The following TLE1 variants were observed in gnomAD, a reference collection of about 807,000 sequenced individuals.
TLE1 encodes the protein transducin-like enhancer protein 1.
Under a neutral mutation model 89.8 loss-of-function variants are expected in TLE1, and 21 were observed. The observed-to-expected ratio is 0.23, with a 90% CI of 0.17 to 0.34. TLE1 has a LOEUF of 0.34. Ranked by LOEUF, TLE1 falls within the 10% of genes least tolerant of loss-of-function variation. The probability of loss-of-function intolerance (pLI) is 1.00; values close to 1 mark genes in which losing one functional copy is unlikely to be tolerated. For synonymous variants in TLE1, 447 were observed against 407.6 expected, an observed-to-expected ratio of 1.10 and a Z score of -1.16; for missense variants, 795 against 1,031.2, an observed-to-expected ratio of 0.77 and a Z score of 3.14.
intron 14 of TLE1, among the ~76,000 whole-genome samples, chr9:81,602,272 G>T (rs1476574073): frequency 6.6e-6 from 1 of 152,146 alleles, no homozygotes. Flanking sequence ...CAGGCTGGGG[G>T]GATATTACCA....
intron 4 of TLE1, among the ~76,000 whole-genome samples, chr9:81,666,187 T>C (rs1447691101): frequency 6.6e-6 from 1 of 152,122 alleles, no homozygotes; most frequent in East Asian, 1.9e-4. Context: ...TTTGGTGGGC[T>C]TAAAGGAAAA....
chr9:81,591,096 A>T lies in TLE1; in HGVS notation c.1582-44T>A, dbSNP rs964275989. On this transcript the variant is annotated intron_variant, in intron 15 of 19. Transcript: ENST00000376499. ...TCATTGCTATAATGAATTACCGAGC[A>T]ATCATAGCACCATGTTCTCTAATGG... The T allele has an allele frequency of 2.5e-6, 4 of 1,591,176 alleles. No individual in the cohort carries two copies. The African/African-American group carries it at 4.0e-5, about 16-fold the overall frequency.
intron 4 of TLE1, among the ~76,000 whole-genome samples, chr9:81,662,361 TTGTGTGTGTGTG>T (rs371936084): frequency 0.043 from 5,990 of 138,392 alleles, 169 homozygotes; most frequent in Non-Finnish European, 0.061. Flanking sequence ...TGTGCCTGTT[TTGTGTGTGTGTG>T]TGTGTGTGTG....
rs191020788 is a variant in TLE1, at chr9:81,589,440, C to G, written c.1829+1365G>C. Among the ~76,000 whole-genome samples, 3 of 152,308 alleles carry G rather than the reference C, an allele frequency of 2.0e-5. No individual in the cohort carries two copies. In the East Asian group the frequency reaches 5.8e-4, roughly 29 times the overall value. ...CTTTACATGGCCCTATTACATGCAG[C>G]AGCCACTAGCCACCTGTGAGTGGTC... On this transcript the variant is annotated intron_variant, in intron 16 of 19. Coordinates refer to ENST00000376499, the MANE Select transcript of TLE1 (RefSeq NM_005077.5).
At chr9:81,636,334 T>TA (rs1346107567) in intron 6 of TLE1, among the ~76,000 whole-genome samples, 1 of 151,348 alleles carries the variant, frequency 6.6e-6, no homozygotes, top group Non-Finnish European at 1.5e-5. Flanking sequence ...AGCACTTAAT[T>TA]AGGAACTAGA....
intron 18 of TLE1, 87 bp from the exon 19 acceptor site, chr9:81,584,611 C>T: frequency 8.1e-7 from 1 of 1,237,540 alleles, no homozygotes; most frequent in Non-Finnish European, 1.2e-6. Context: ...AAACTAAGAA[C>T]ATTTTTAATA....
At chr9:81,623,599 T>G (rs1588012869) in intron 8 of TLE1, among the ~76,000 whole-genome samples, 4 of 123,244 alleles carry the variant, frequency 3.2e-5, no homozygotes, top group Admixed American at 2.0e-4. Flanking sequence ...GCCAACATGG[T>G]GAAACCCCAT....
intron 4 of TLE1, among the ~76,000 whole-genome samples, chr9:81,657,957 T>C (rs1286497590): frequency 6.7e-6 from 1 of 149,672 alleles, no homozygotes; most frequent in Admixed American, 6.7e-5. Context: ...TCACCTAGGC[T>C]GGAGTGCAGT....
chr9:81,684,714 C>A (rs1377051887), intron 4 of TLE1, among the ~76,000 whole-genome samples: 3 of 152,110 alleles, frequency 2.0e-5, no homozygotes, highest in African/African-American at 7.2e-5. Context: ...TGAAATGTGT[C>A]CAACTGTGCA....
rs779351227 is a variant in TLE1, at chr9:81,654,047, A to G, written c.235-11T>C. 5 of 1,613,608 alleles carry G rather than the reference A, an allele frequency of 3.1e-6. No homozygotes were observed. Among genetic ancestry groups the G allele is most frequent in the South Asian group, 1.1e-5 (1 of 91,064 alleles). ...CTTGGCGATTTCAGTCTATAAAGAC[A>G]AAGCCACACAAATGTTTAGAATACT... On this transcript the variant is annotated splice_polypyrimidine_tract_variant and intron_variant, in intron 4 of 19. Coordinates refer to ENST00000376499, the MANE Select transcript of TLE1 (RefSeq NM_005077.5).
intron 10 of TLE1, 79 bp downstream of exon 10, chr9:81,616,567 C>A: frequency 2.0e-6 from 3 of 1,517,360 alleles, no homozygotes; most frequent in Non-Finnish European, 2.7e-6. Context: ...GGCTCTACTT[C>A]CTTCATTCAC....
At chr9:81,585,132 C>T (rs946764712) in intron 18 of TLE1, among the ~76,000 whole-genome samples, 4 of 152,148 alleles carry the variant, frequency 2.6e-5, no homozygotes, top group African/African-American at 9.7e-5. Context: ...TAAATATCGA[C>T]TTCTCTAACC....
chr9:81,660,580 AT>A (rs372771789), intron 4 of TLE1, among the ~76,000 whole-genome samples: 5,158 of 149,186 alleles, frequency 0.035, 109 homozygotes, highest in Non-Finnish European at 0.046. Flanking sequence ...CACCCGGCTA[AT>A]TTTTTTTTGT....
At chr9:81,653,723 C>T (rs943201080) in intron 5 of TLE1, among the ~76,000 whole-genome samples, 1 of 152,100 alleles carries the variant, frequency 6.6e-6, no homozygotes, top group African/African-American at 2.4e-5. Flanking sequence ...AAAGCAAAAG[C>T]TGTACATTGG....
At chr9:81,661,179 T>C (rs1177063598) in intron 4 of TLE1, among the ~76,000 whole-genome samples, 1 of 121,406 alleles carries the variant, frequency 8.2e-6, no homozygotes, top group Non-Finnish European at 1.7e-5. Context: ...TATTTATATA[T>C]ATGTATTTTT....
At chr9:81,600,232 A>C in intron 14 of TLE1, 1 of 615,006 alleles carries the variant, frequency 1.6e-6, no homozygotes, top group East Asian at 2.7e-5. Context: ...AGGAACTATC[A>C]CTACAGACAA....
chr9:81,584,400 G>A, intron 19 of TLE1, 48 bp downstream of exon 19: 1 of 1,612,010 alleles, frequency 6.2e-7, no homozygotes, highest in Middle Eastern at 1.7e-4. Context: ...GGCTTCAGAG[G>A]CGACACTGTG....
At chr9:81,616,851 T>A in intron 9 of TLE1, 152 bp from the exon 10 acceptor site, 1 of 783,910 alleles carries the variant, frequency 1.3e-6, no homozygotes. Context: ...CCAGTCCTAG[T>A]AATTATTATC....
At chr9:81,591,903 C>G (rs765381200) in intron 15 of TLE1, among the ~76,000 whole-genome samples, 2 of 152,202 alleles carry the variant, frequency 1.3e-5, no homozygotes, top group Non-Finnish European at 2.9e-5. Context: ...AACACCTTCT[C>G]TGGAATCCTT....
Sources: gnomAD v4.1 joint callset for allele counts (sites outside exome capture counted in the v4.1 genomes callset) on GRCh38, gnomAD v4.1.1 for gene constraint, MANE v1.5 for transcripts, NCBI Gene and HGNC (gene_info 2026-07-23, HGNC 2026-07-21) for gene names.